Variants in PRKN observed in about 807,000 individuals in gnomAD.
PRKN encodes parkin RBR E3 ubiquitin protein ligase.
PRKN carries 56 observed loss-of-function variants against 59.5 expected under a neutral mutation model. That is an observed-to-expected ratio of 0.94 (90% CI 0.76 to 1.18). PRKN has a LOEUF of 1.18. Ranked by LOEUF, PRKN falls within the 50% of genes most tolerant of loss-of-function variation. PRKN has a pLI of 0.00. For missense variants in PRKN, 657 were observed against 596.4 expected (o/e 1.10, Z -1.06); for synonymous variants, 250 against 222.1 (o/e 1.13, Z -1.12).
Position 161,779,435 on chromosome 6 carries a change from C to CTTTCCTT in PRKN, c.871+6336_871+6337insAAGGAAA, listed in dbSNP as rs1234367519. 1.0e-3 allele frequency among the ~76,000 whole-genome samples: 42 copies of CTTTCCTT among 40,422 alleles called. 1 individual carries two copies. Among genetic ancestry groups the CTTTCCTT allele is most frequent in the South Asian group, 2.7e-3 (3 of 1,092 alleles). 26.5% of individuals were successfully genotyped at this position (40,422 alleles called of 152,430 possible). ...TTTCTTTTTTTTCTCTTTTTCTTTT[C>CTTTCCTT]TTTTCTTTTTTTTTTTTTTTTTTTT... On this transcript the variant is annotated intron_variant, in intron 7 of 11. Coordinates refer to ENST00000366898, the MANE Select transcript of PRKN (RefSeq NM_004562.3).
At chr6:161,904,211 A>T (rs1395900165) in intron 6 of PRKN, among the ~76,000 whole-genome samples, 1 of 151,532 alleles carries the variant, frequency 6.6e-6, no homozygotes, top group African/African-American at 2.4e-5. Flanking sequence ...CTGGGTCCTG[A>T]GGATGCTGAG....
At chr6:162,106,351 A>G (rs2128300822) in intron 4 of PRKN, among the ~76,000 whole-genome samples, 1 of 151,916 alleles carries the variant, frequency 6.6e-6, no homozygotes, top group East Asian at 1.9e-4. Context: ...AACACGTACA[A>G]GTGGCTAACT....
chr6:162,602,442 T>G (rs1260148403), intron 1 of PRKN, among the ~76,000 whole-genome samples: 3 of 152,204 alleles, frequency 2.0e-5, no homozygotes, highest in Non-Finnish European at 4.4e-5. Context: ...CACTGTGTCT[T>G]GCATGTGGTT....
chr6:161,488,047 A>C lies in PRKN; in HGVS notation c.1083+60807T>G, dbSNP rs1221505714. Among the ~76,000 whole-genome samples, 2 of 152,246 alleles carry C rather than the reference A, an allele frequency of 1.3e-5. No individual in the cohort carries two copies. The highest frequency in any genetic ancestry group is 2.9e-5 in the Non-Finnish European group (2 of 68,040). On this transcript the variant is annotated intron_variant, in intron 9 of 11. Transcript: ENST00000366898. The surrounding 1 kb of genome is among the most constrained non-coding windows in gnomAD (Gnocchi z 4.5). ...GCAATTGAATAATGTAATTCCAGTT[A>C]GTGGTAAGTGATGAAGAAAGCAGGG...
intron 1 of PRKN, among the ~76,000 whole-genome samples, chr6:162,600,046 A>G (rs1781640894): frequency 6.6e-6 from 1 of 152,166 alleles, no homozygotes; most frequent in Admixed American, 6.5e-5. Flanking sequence ...CAGCCTAATA[A>G]TCTTTTATAC....
intron 5 of PRKN, among the ~76,000 whole-genome samples, chr6:161,996,307 CT>C (rs1562445781): frequency 6.6e-6 from 1 of 152,144 alleles, no homozygotes; most frequent in African/African-American, 2.4e-5. Flanking sequence ...GGACAAATAC[CT>C]TTCCAAAGTC....
chr6:162,359,279 T>C (rs1785026411), intron 2 of PRKN, among the ~76,000 whole-genome samples: 1 of 151,764 alleles, frequency 6.6e-6, no homozygotes, highest in African/African-American at 2.4e-5. Context: ...ATTTGGTTTG[T>C]CAAGGACATT....
chr6:161,537,283 T>C (rs985408215), intron 9 of PRKN, among the ~76,000 whole-genome samples: 1 of 152,216 alleles, frequency 6.6e-6, no homozygotes, highest in African/African-American at 2.4e-5. Context: ...TTCCAAGCTC[T>C]ACATTCTTTA....
intron 9 of PRKN, among the ~76,000 whole-genome samples, chr6:161,512,494 C>T (rs1046784834): frequency 2.6e-5 from 4 of 152,212 alleles, no homozygotes; most frequent in Non-Finnish European, 5.9e-5. Flanking sequence ...AGGGATGACA[C>T]CTTTGACGTG....
chr6:162,712,749 A>G (rs747208738), intron 1 of PRKN, among the ~76,000 whole-genome samples: 1 of 152,232 alleles, frequency 6.6e-6, no homozygotes, highest in Admixed American at 6.5e-5. Flanking sequence ...TTAATGTCCA[A>G]ACATGAAGTT....
intron 3 of PRKN, among the ~76,000 whole-genome samples, chr6:162,232,877 G>A (rs1252252293): frequency 6.6e-6 from 1 of 152,056 alleles, no homozygotes; most frequent in South Asian, 2.1e-4. Context: ...ACAGATTGGA[G>A]AATTTCTGAT....
At chr6:162,639,719 AC>A (rs1777886865) in intron 1 of PRKN, among the ~76,000 whole-genome samples, 1 of 152,074 alleles carries the variant, frequency 6.6e-6, no homozygotes, top group Non-Finnish European at 1.5e-5. Context: ...CTGATATTCT[AC>A]CCCTTATGAT....
At chr6:162,005,781 G>GA (rs563622462) in intron 5 of PRKN, among the ~76,000 whole-genome samples, 30 of 152,106 alleles carry the variant, frequency 2.0e-4, no homozygotes, top group African/African-American at 7.0e-4. Context: ...TTTTTGGGGG[G>GA]AAAAAAGTTA....
rs117199989 is a variant in PRKN at position 161,662,999 on chromosome 6, C to A, written c.872-93583G>T. The stretch of plus-strand genomic sequence containing the variant: ...AAGTGAATCATAGGGGTGGGTTTTT[C>A]CCGTGCTGTTGTCATGATAATGAAT... On this transcript the variant is annotated intron_variant, in intron 7 of 11. Coordinates refer to ENST00000366898, the MANE Select transcript of PRKN (RefSeq NM_004562.3). Among the ~76,000 whole-genome samples, 745 of 152,190 alleles carry A rather than the reference C, an allele frequency of 4.9e-3. 17 individuals carry two copies. The East Asian group carries it at 0.067, about 14-fold the overall frequency.
chr6:162,387,026 G>A (rs938022747), intron 2 of PRKN, among the ~76,000 whole-genome samples: 1 of 151,802 alleles, frequency 6.6e-6, no homozygotes, highest in African/African-American at 2.4e-5. Context: ...TTAAAAAGTC[G>A]ACTTGAGCAG....
At chr6:162,495,329 C>G (rs1415185841) in intron 1 of PRKN, among the ~76,000 whole-genome samples, 2 of 152,206 alleles carry the variant, frequency 1.3e-5, no homozygotes, top group South Asian at 2.1e-4. Flanking sequence ...TTAAGTCCAT[C>G]AAGAAACCTC....
At chr6:162,311,481 C>CTTTT (rs397886856) in intron 2 of PRKN, among the ~76,000 whole-genome samples, 3 of 128,532 alleles carry the variant, frequency 2.3e-5, no homozygotes, top group Non-Finnish European at 3.2e-5. Context: ...AATTTTTTTC[C>CTTTT]TTTTTTTTTT....
chr6:161,404,180 T>A (rs1246193162), intron 9 of PRKN, among the ~76,000 whole-genome samples: 1 of 152,166 alleles, frequency 6.6e-6, no homozygotes, highest in Non-Finnish European at 1.5e-5. Context: ...TATTTCCTTA[T>A]CCATCATCCC....
At chr6:161,403,801 G>A (rs900662852) in intron 9 of PRKN, among the ~76,000 whole-genome samples, 8 of 152,140 alleles carry the variant, frequency 5.3e-5, no homozygotes, top group Non-Finnish European at 1.0e-4. Context: ...CCTCATGAAT[G>A]CATTAATGCT....
Sources: allele counts gnomAD v4.1 joint callset (sites outside exome capture counted in the v4.1 genomes callset), GRCh38; gene constraint gnomAD v4.1.1; non-coding constraint Gnocchi (gnomAD v3.1); transcripts MANE v1.5; gene names NCBI Gene and HGNC (gene_info 2026-07-23, HGNC 2026-07-21).